ABCG2: variants seen among roughly 807,000 people sequenced by gnomAD.
ABCG2 encodes the protein ATP binding cassette subfamily G member 2 (JR blood group).
A neutral mutation model predicts 73.5 loss-of-function variants in ABCG2; 80 were observed. The ratio of observed to expected loss-of-function variants is 1.09; its 90% CI spans 0.91 to 1.31. The LOEUF is 1.31. ABCG2 is among the 50% of genes most tolerant of loss of function. The pLI is 0.00. For missense variants in ABCG2, 796 were observed against 786.2 expected (o/e 1.01, Z -0.15); for synonymous variants, 269 against 282.4 (o/e 0.95, Z 0.48).
In ABCG2 at chr4:88,095,547, G is replaced by C; in HGVS notation, c.1710C>G (p.Tyr570Ter). Residue 570 changes from tyrosine to a stop codon, truncating the protein, a stop_gained, in exon 14 of 16, where the codon TAC becomes TAG. Coordinates refer to ENST00000237612, the MANE Select transcript of ABCG2 (RefSeq NM_004827.3). LOFTEE classifies it high-confidence loss of function. Reference protein sequence around the residue: ...TIASWLSWLQYFSIPRYGFTA... With the variant: ...TIASWLSWLQ The stretch of plus-strand genomic sequence containing the variant: ...TAAATCCATATCGTGGAATGCTGAA[G>C]TACTGAAGCCATGACAGCCAAGATG... 6.2e-7 allele frequency: 1 copy of C among 1,613,710 alleles called. No individual in the cohort carries two copies.
intron 1 of ABCG2, among the ~76,000 whole-genome samples, chr4:88,153,608 T>C (rs1210853421): frequency 4.0e-5 from 6 of 151,336 alleles, no homozygotes; most frequent in African/African-American, 1.2e-4. Context: ...ATTTGACTAA[T>C]AAAGGCCGGT....
chr4:88,160,577 C>T (rs1271905402), upstream of ABCG2, among the ~76,000 whole-genome samples: 1 of 152,050 alleles, frequency 6.6e-6, no homozygotes, highest in Non-Finnish European at 1.5e-5. Context: ...AGGCCAGGCA[C>T]GGTGGCTCAC....
intron 1 of ABCG2, among the ~76,000 whole-genome samples, chr4:88,141,400 G>C (rs1447468235): frequency 1.3e-5 from 2 of 152,158 alleles, no homozygotes; most frequent in African/African-American, 4.8e-5. Context: ...GAAGCTGCTA[G>C]AAGAAATGAG....
intron 1 of ABCG2, among the ~76,000 whole-genome samples, chr4:88,157,476 T>C (rs1038517454): frequency 6.6e-6 from 1 of 152,214 alleles, no homozygotes; most frequent in African/African-American, 2.4e-5. Flanking sequence ...GTTATTAGTT[T>C]TGGCCCTTGT....
intron 2 of ABCG2, among the ~76,000 whole-genome samples, chr4:88,138,504 A>G (rs1243602248): frequency 1.3e-5 from 2 of 152,228 alleles, no homozygotes; most frequent in Non-Finnish European, 2.9e-5. Flanking sequence ...AATTCTCATC[A>G]GCTTTTTTGG....
intron 1 of ABCG2, among the ~76,000 whole-genome samples, chr4:88,229,666 T>C (rs935815224): frequency 6.6e-6 from 1 of 152,108 alleles, no homozygotes; most frequent in Admixed American, 6.6e-5. Flanking sequence ...ACCATTCTCC[T>C]TTTCTCCCCA....
chr4:88,183,874 A>G lies in ABCG2; in HGVS notation c.-19-43860T>C, dbSNP rs747397445. On this transcript the variant is annotated intron_variant, in intron 1 of 15. Coordinates refer to the ABCG2 transcript ENST00000515655. ...AAAACATCATTTATCATGACCAAATAGGGTTTATCCCAGTGATGCAAAGAT... is the reference window on the plus strand; with the variant it reads ...AAAACATCATTTATCATGACCAAATGGGGTTTATCCCAGTGATGCAAAGAT... Among the ~76,000 whole-genome samples, 6 of 152,194 alleles carry G rather than the reference A, an allele frequency of 3.9e-5. No homozygotes were observed. In the South Asian group the frequency reaches 8.3e-4, roughly 21 times the overall value.
intron 5 of ABCG2, among the ~76,000 whole-genome samples, chr4:88,123,151 C>A (rs1363829508): frequency 6.6e-6 from 1 of 152,158 alleles, no homozygotes; most frequent in Non-Finnish European, 1.5e-5. Context: ...AAAAGGAAAT[C>A]CACACCAAAA....
At chr4:88,103,597 T>C (rs1722589932) in intron 10 of ABCG2, among the ~76,000 whole-genome samples, 1 of 152,238 alleles carries the variant, frequency 6.6e-6, no homozygotes, top group African/African-American at 2.4e-5. Context: ...TCTTAAATTT[T>C]AGCAATTCTG....
At position 88,099,273 on chromosome 4, in the gene ABCG2, C is replaced by T. The variant is rs775756449; in HGVS notation, c.1492+51G>A. On this transcript the variant is annotated intron_variant, in intron 12 of 15. Transcript: ENST00000237612. ...TGCTTGCAAGGTGCAACTGACTTCACCCATAGGCAAGACTAAAGACATGTC... is the reference window on the plus strand; with the variant it reads ...TGCTTGCAAGGTGCAACTGACTTCATCCATAGGCAAGACTAAAGACATGTC... The T allele has an allele frequency of 6.7e-6, 10 of 1,483,934 alleles. No individual in the cohort carries two copies. The African/African-American group carries it at 1.3e-4, about 19-fold the overall frequency. The allele number at this position is 1,483,934 out of a possible 1,614,324, so 91.9% of individuals were successfully genotyped here.
Position 88,117,236 on chromosome 4 carries a change from C to T in ABCG2, c.841+873G>A, listed in dbSNP as rs373980730. On this transcript the variant is annotated intron_variant, in intron 7 of 15. Transcript: ENST00000237612. ...CTGCTTGGGTGAGGTGGGAGGATGG[C>T]TTGAGCGCGGGGGGTTGAGGCTGCA... 4.1e-4 allele frequency among the ~76,000 whole-genome samples: 62 copies of T among 151,920 alleles called. 4 individuals carry two copies. Among genetic ancestry groups the T allele is most frequent in the South Asian group, 3.5e-3 (17 of 4,796 alleles).
chr4:88,191,427 T>C (rs1728689422), intron 1 of ABCG2, among the ~76,000 whole-genome samples: 1 of 151,840 alleles, frequency 6.6e-6, no homozygotes, highest in Non-Finnish European at 1.5e-5. Flanking sequence ...CCCACTAAAA[T>C]AGCTATAATC....
At chr4:88,202,376 A>ATG (rs1553945726) in intron 1 of ABCG2, among the ~76,000 whole-genome samples, 35 of 128,536 alleles carry the variant, frequency 2.7e-4, no homozygotes, top group Non-Finnish European at 4.1e-4. Flanking sequence ...ATATATATAT[A>ATG]TGTATATTTT....
intron 1 of ABCG2, among the ~76,000 whole-genome samples, chr4:88,151,398 C>T (rs1560717741): frequency 6.6e-6 from 1 of 152,254 alleles, no homozygotes; most frequent in South Asian, 2.1e-4. Flanking sequence ...GATCAATATC[C>T]CTGCTCCCTT....
chr4:88,209,131 G>A (rs1005029014), intron 1 of ABCG2, among the ~76,000 whole-genome samples: 8 of 151,938 alleles, frequency 5.3e-5, no homozygotes, highest in Admixed American at 3.9e-4. Context: ...CCAACATGGC[G>A]AAACCCTGTC....
chr4:88,122,482 G>T (rs45499402), intron 5 of ABCG2, among the ~76,000 whole-genome samples: 2 of 152,062 alleles, frequency 1.3e-5, no homozygotes, highest in African/African-American at 2.4e-5. Flanking sequence ...GAGCTTGGTG[G>T]GGGGAGGGGC....
chr4:88,117,324 G>GA (rs113415313), intron 7 of ABCG2, among the ~76,000 whole-genome samples: 191 of 133,182 alleles, frequency 1.4e-3, no homozygotes, highest in Admixed American at 1.6e-3. Context: ...TATCTCAAAA[G>GA]AAAAAAAAAA....
chr4:88,094,495 C>T, intron 15 of ABCG2, 82 bp downstream of exon 15: 2 of 1,220,108 alleles, frequency 1.6e-6, no homozygotes, highest in South Asian at 1.3e-5. Flanking sequence ...TGGAAGGACT[C>T]ATACAGATCT....
intron 1 of ABCG2, among the ~76,000 whole-genome samples, chr4:88,174,538 G>A (rs55930652): frequency 0.21 from 32,350 of 151,976 alleles, 4,313 homozygotes; most frequent in Non-Finnish European, 0.29. Flanking sequence ...ACAGACATGC[G>A]CCACCACGCC....
Sources: gnomAD v4.1 joint callset for allele counts (sites outside exome capture counted in the v4.1 genomes callset) on GRCh38, gnomAD v4.1.1 for gene constraint, MANE v1.5 for transcripts, NCBI Gene and HGNC (gene_info 2026-07-23, HGNC 2026-07-21) for gene names.